Variants in LSAMP observed in about 807,000 individuals in gnomAD.
The protein encoded by LSAMP is limbic system-associated membrane protein.
LSAMP carries 7 observed loss-of-function variants against 38.6 expected under a neutral mutation model. The ratio of observed to expected loss-of-function variants is 0.18; its 90% CI spans 0.10 to 0.34. The LOEUF is 0.34. Ranked by LOEUF, LSAMP falls within the 10% of genes least tolerant of loss-of-function variation. The pLI, the probability that LSAMP is intolerant of heterozygous loss-of-function variation, is 1.00. For synonymous variants in LSAMP, 154 were observed against 166.8 expected (o/e 0.92, Z 0.59); for missense variants, 313 against 420.0 (o/e 0.75, Z 2.23).
chr3:115,810,826 C>A (rs1933803061), intron 6 of LSAMP, among the ~76,000 whole-genome samples: 1 of 152,088 alleles, frequency 6.6e-6, no homozygotes, highest in Non-Finnish European at 1.5e-5. Flanking sequence ...GGTCTTCTGG[C>A]CAATTCATCA....
At chr3:116,222,108 C>T (rs953621715) in intron 1 of LSAMP, among the ~76,000 whole-genome samples, 2 of 151,934 alleles carry the variant, frequency 1.3e-5, no homozygotes, top group African/African-American at 4.8e-5. Flanking sequence ...TTTATACAAG[C>T]CTACTGATCC....
At chr3:116,224,283 G>C (rs1559789766) in intron 1 of LSAMP, among the ~76,000 whole-genome samples, 1 of 152,172 alleles carries the variant, frequency 6.6e-6, no homozygotes, top group Non-Finnish European at 1.5e-5. Context: ...CTTCACCCAA[G>C]AATCCTCAAG....
intron 3 of LSAMP, among the ~76,000 whole-genome samples, chr3:115,938,832 AT>A (rs543933544): frequency 2.7e-4 from 41 of 152,304 alleles, no homozygotes; most frequent in African/African-American, 9.4e-4. Flanking sequence ...ACTGAAGTGC[AT>A]TTTTTGTTTA....
intron 3 of LSAMP, among the ~76,000 whole-genome samples, chr3:115,884,553 ATC>A (rs71801568): frequency 0.33 from 50,826 of 151,800 alleles, 9,946 homozygotes; most frequent in Middle Eastern, 0.46. Flanking sequence ...GGTTCTGGTG[ATC>A]TCTCTAGTGA....
chr3:116,124,017 C>T (rs1708948027), intron 1 of LSAMP, among the ~76,000 whole-genome samples: 1 of 152,122 alleles, frequency 6.6e-6, no homozygotes, highest in Non-Finnish European at 1.5e-5. Context: ...GGCTTCCTTA[C>T]CATCTTGTAT....
intron 3 of LSAMP, among the ~76,000 whole-genome samples, chr3:115,914,231 C>A (rs1486403575): frequency 6.6e-6 from 1 of 152,198 alleles, no homozygotes; most frequent in Non-Finnish European, 1.5e-5. Flanking sequence ...CTCCACAACC[C>A]ATTCCCCTTG....
At position 116,078,277 on chromosome 3, in the gene LSAMP, C is replaced by CATTTA. The variant is rs149090036; in HGVS notation, c.388+8046_388+8047insTAAAT. On this transcript the variant is annotated intron_variant, in intron 2 of 6. Transcript: ENST00000490035. The stretch of plus-strand genomic sequence containing the variant: ...ATAATACAAAAGGGCTTTATATCCT[C>CATTTA]TTTATTTATTTATTTATTTATTTAT... Among the ~76,000 whole-genome samples the CATTTA allele has an allele frequency of 4.6e-3, 686 of 150,176 alleles. 7 individuals carry two copies. The highest frequency in any genetic ancestry group is 0.015 in the African/African-American group (633 of 41,124).
chr3:116,049,631 T>C (rs1481675814), intron 2 of LSAMP, among the ~76,000 whole-genome samples: 1 of 152,208 alleles, frequency 6.6e-6, no homozygotes, highest in Non-Finnish European at 1.5e-5. Context: ...TCTAGCTGCC[T>C]CATGTATGAC....
chr3:115,820,921 G>A (rs1164384902), intron 6 of LSAMP, among the ~76,000 whole-genome samples: 1 of 152,184 alleles, frequency 6.6e-6, no homozygotes, highest in Non-Finnish European at 1.5e-5. Flanking sequence ...GGAGGTCCTT[G>A]CCTTATTTCC....
At chr3:116,003,930 T>C (rs1344917377) in intron 3 of LSAMP, among the ~76,000 whole-genome samples, 2 of 152,194 alleles carry the variant, frequency 1.3e-5, no homozygotes, top group African/African-American at 4.8e-5. Flanking sequence ...TTTTAAGCCA[T>C]GCACGTTTGT....
chr3:116,099,715 C>A (rs1409404986), intron 1 of LSAMP, among the ~76,000 whole-genome samples: 1 of 152,070 alleles, frequency 6.6e-6, no homozygotes, highest in Non-Finnish European at 1.5e-5. Context: ...CAGTCACCAC[C>A]CAGTTTTCAT....
chr3:116,070,005 A>C (rs1248567730), intron 2 of LSAMP, among the ~76,000 whole-genome samples: 2 of 152,200 alleles, frequency 1.3e-5, no homozygotes, highest in Non-Finnish European at 2.9e-5. Context: ...TAGGAATATG[A>C]AGATCACACA....
chr3:116,101,047 AC>A (rs1246147802), intron 1 of LSAMP, among the ~76,000 whole-genome samples: 1 of 152,104 alleles, frequency 6.6e-6, no homozygotes, highest in Non-Finnish European at 1.5e-5. Context: ...GTGGGCCCAA[AC>A]CATGTCTTCT....
At chr3:116,216,713 T>G (rs2046224686) in intron 1 of LSAMP, among the ~76,000 whole-genome samples, 1 of 152,180 alleles carries the variant, frequency 6.6e-6, no homozygotes, top group East Asian at 1.9e-4. Context: ...GAAATAATTA[T>G]GAGTTTAAAA....
chr3:116,236,848 T>C (rs527398109), intron 1 of LSAMP, among the ~76,000 whole-genome samples: 85 of 106,866 alleles, frequency 8.0e-4, no homozygotes, highest in Non-Finnish European at 1.5e-3. Context: ...TTAGTCTGCC[T>C]ATATGGGCCT....
chr3:115,972,120 C>G (rs1478482484), intron 3 of LSAMP, among the ~76,000 whole-genome samples: 1 of 152,038 alleles, frequency 6.6e-6, no homozygotes, highest in African/African-American at 2.4e-5. Context: ...CTTCCATGAA[C>G]AAACTCTAAA....
chr3:116,231,961 T>A (rs1391585085), intron 1 of LSAMP, among the ~76,000 whole-genome samples: 1 of 152,234 alleles, frequency 6.6e-6, no homozygotes, highest in African/African-American at 2.4e-5. Context: ...CCACAGATTG[T>A]CACACCTTGA....
At chr3:116,368,784 A>C (rs1300865742) in intron 1 of LSAMP, among the ~76,000 whole-genome samples, 1 of 152,228 alleles carries the variant, frequency 6.6e-6, no homozygotes, top group Non-Finnish European at 1.5e-5. Context: ...GTTATAATAG[A>C]GATCATATGT....
chr3:116,286,742 T>A (rs1365813656), intron 1 of LSAMP, among the ~76,000 whole-genome samples: 1 of 152,314 alleles, frequency 6.6e-6, no homozygotes. Context: ...ATCTGTACCA[T>A]GCAAAAGCAG....
Sources: gnomAD v4.1 joint callset for allele counts (sites outside exome capture counted in the v4.1 genomes callset) on GRCh38, gnomAD v4.1.1 for gene constraint, MANE v1.5 for transcripts, NCBI Gene and HGNC (gene_info 2026-07-23, HGNC 2026-07-21) for gene names.